Variants in NCOA3 observed in about 807,000 individuals in gnomAD.
NCOA3 encodes the protein nuclear receptor coactivator 3, also known as CBP-interacting protein.
In NCOA3, 51 loss-of-function variants were observed where a neutral mutation model predicts 158.8. That is an observed-to-expected ratio of 0.32 (90% CI 0.26 to 0.41). NCOA3 has a LOEUF of 0.41. Ranked by LOEUF, NCOA3 falls within the 10% of genes least tolerant of loss-of-function variation. The pLI is 1.00. For missense variants in NCOA3, 1,510 were observed against 1,746.6 expected, an observed-to-expected ratio of 0.86 and a Z score of 2.41; for synonymous variants, 537 against 592.4, an observed-to-expected ratio of 0.91 and a Z score of 1.36.
chr20:47,587,155 A>G (rs538150028), intron 2 of NCOA3, among the ~76,000 whole-genome samples: 1 of 152,270 alleles, frequency 6.6e-6, no homozygotes, highest in African/African-American at 2.4e-5. Context: ...GCTGTATTCC[A>G]TAATCAATAG....
chr20:47,583,489 A>G (rs2085485928), intron 2 of NCOA3, among the ~76,000 whole-genome samples: 1 of 152,338 alleles, frequency 6.6e-6, no homozygotes, highest in Admixed American at 6.5e-5. Flanking sequence ...CCCCTTGTTC[A>G]GTAAAAAATG....
At chr20:47,583,006 G>A (rs1325875323) in intron 1 of NCOA3, among the ~76,000 whole-genome samples, 177 bp from the exon 2 acceptor site, 1 of 152,140 alleles carries the variant, frequency 6.6e-6, no homozygotes, top group African/African-American at 2.4e-5. Flanking sequence ...TGTTGGCCAG[G>A]CCAGCCTTGA....
At chr20:47,529,835 G>GAA (rs1237046454) in intron 1 of NCOA3, among the ~76,000 whole-genome samples, 1 of 152,122 alleles carries the variant, frequency 6.6e-6, no homozygotes, top group Non-Finnish European at 1.5e-5. Flanking sequence ...CATTTAAGAA[G>GAA]GCTAGTTTAA....
intron 20 of NCOA3, among the ~76,000 whole-genome samples, chr20:47,651,969 G>T (rs1169107432): frequency 6.6e-6 from 1 of 151,980 alleles, no homozygotes; most frequent in Non-Finnish European, 1.5e-5. Flanking sequence ...CCCGGCCCTG[G>T]ATTTATTATT....
intron 1 of NCOA3, among the ~76,000 whole-genome samples, chr20:47,578,411 C>T (rs182961761): frequency 1.9e-4 from 29 of 152,266 alleles, no homozygotes; most frequent in African/African-American, 6.5e-4. Flanking sequence ...GTCTCGAACT[C>T]CTGACCTCAG....
chr20:47,522,099 C>CATTTTTTTTTTTTTTTTT (rs2084346122), intron 1 of NCOA3, among the ~76,000 whole-genome samples: 1 of 76,816 alleles, frequency 1.3e-5, no homozygotes, highest in African/African-American at 5.3e-5. Context: ...TTGTACAGAT[C>CATTTTTTTTTTTTTTTTT]TTTTTTTTTT....
In NCOA3 at chr20:47,648,405, C is replaced by T. The variant is rs142022882; in HGVS notation, c.3547-600C>T. On this transcript the variant is annotated intron_variant, in intron 18 of 22. Coordinates refer to ENST00000371998, the MANE Select transcript of NCOA3 (RefSeq NM_181659.3). ...ACTTAAAGGTATTTCCCCATGTGCC[C>T]GAATAATCCCAGAGAAAGCCTGACT... Among the ~76,000 whole-genome samples the T allele has an allele frequency of 3.9e-5, 6 of 152,070 alleles. No individual in the cohort carries two copies. In the East Asian group the frequency reaches 7.7e-4, roughly 20 times the overall value.
At chr20:47,642,064 C>G (rs2146332360) in intron 16 of NCOA3, 149 bp from the exon 17 acceptor site, 1 of 628,796 alleles carries the variant, frequency 1.6e-6, no homozygotes, top group East Asian at 2.9e-5. Flanking sequence ...AAATTGATGC[C>G]ATTCACTCTT....
chr20:47,607,427 T>C (rs1336161508), intron 2 of NCOA3, among the ~76,000 whole-genome samples: 1 of 152,194 alleles, frequency 6.6e-6, no homozygotes, highest in East Asian at 1.9e-4. Context: ...GCCTTACTGT[T>C]GTTTACCATG....
At chr20:47,551,057 CATG>C (rs1228441263) in intron 1 of NCOA3, among the ~76,000 whole-genome samples, 1 of 151,930 alleles carries the variant, frequency 6.6e-6, no homozygotes, top group African/African-American at 2.4e-5. Context: ...GGCATTTCCT[CATG>C]ATTAAATTCT....
At chr20:47,638,964 ATATT>A in intron 13 of NCOA3, 40 bp from the exon 14 acceptor site, 1 of 1,462,076 alleles carries the variant, frequency 6.8e-7, no homozygotes, top group South Asian at 1.4e-5. Flanking sequence ...GATTATTTAT[ATATT>A]AAATCACGAA....
intron 9 of NCOA3, 91 bp from the exon 10 acceptor site, chr20:47,633,931 CCAGTCTTTCCTTGGATTTTTAGAAAT>C: frequency 7.6e-7 from 1 of 1,310,458 alleles, no homozygotes; most frequent in Non-Finnish European, 1.1e-6. Context: ...TGGTGCAGAT[CCAGTCTTTCCTTGGATTTTTAGAAAT>C]GTACTTGAAG....
intron 2 of NCOA3, among the ~76,000 whole-genome samples, chr20:47,590,669 C>T (rs914575518): frequency 6.6e-6 from 1 of 152,120 alleles, no homozygotes; most frequent in Admixed American, 6.5e-5. Flanking sequence ...ATTAACTGGG[C>T]ATTGTGTGTC....
At chr20:47,548,073 C>G (rs1235706912) in intron 1 of NCOA3, among the ~76,000 whole-genome samples, 1 of 151,820 alleles carries the variant, frequency 6.6e-6, no homozygotes, top group African/African-American at 2.4e-5. Context: ...TAGGCTGGAA[C>G]TGTTTCTAGA....
At chr20:47,545,650 G>C (rs895119939) in intron 1 of NCOA3, among the ~76,000 whole-genome samples, 2 of 146,378 alleles carry the variant, frequency 1.4e-5, no homozygotes, top group Admixed American at 1.4e-4. Flanking sequence ...TTTGCTTTTT[G>C]TTTTTTTTGT....
chr20:47,533,020 G>T (rs2146110426), intron 1 of NCOA3, among the ~76,000 whole-genome samples: 1 of 142,714 alleles, frequency 7.0e-6, no homozygotes, highest in African/African-American at 2.6e-5. Flanking sequence ...GCAGAGAATT[G>T]CTTGAATCTG....
chr20:47,502,430 C>T (rs543923165), intron 1 of NCOA3, among the ~76,000 whole-genome samples: 2 of 152,280 alleles, frequency 1.3e-5, no homozygotes, highest in Admixed American at 6.5e-5. Flanking sequence ...GGCTCCTTAG[C>T]AGCTTCTGGG....
intron 4 of NCOA3, 93 bp downstream of exon 4, chr20:47,624,176 A>G: frequency 1.8e-6 from 2 of 1,086,068 alleles, no homozygotes; most frequent in South Asian, 3.2e-5. Flanking sequence ...TTTTCCATGG[A>G]CCTGGTAGAG....
At position 47,627,003 on chromosome 20, in the gene NCOA3, C is replaced by T. The variant is rs1160296037; in HGVS notation, c.359C>T (p.Ala120Val). Residue 120 changes from alanine to valine, a missense_variant and splice_region_variant, in exon 6 of 23, where the codon GCA (alanine) becomes GTA (valine). Ala to Val is a moderately conservative substitution (Grantham distance 64). Around this residue, in one of 4 missense-constraint regions of NCOA3, gnomAD observed 309 missense variants for 427.1 expected, o/e 0.72. Coordinates refer to ENST00000371998, the MANE Select transcript of NCOA3 (RefSeq NM_181659.3). Reference protein sequence around the residue: ...KDSLGPLLLQALDGFLFVVNR... With the variant: ...KDSLGPLLLQVLDGFLFVVNR... ...CTGTATTAACATATCCTATTTTAGGCATTGGATGGTTTCCTATTTGTGGTG... is the reference window on the plus strand; with the variant it reads ...CTGTATTAACATATCCTATTTTAGGTATTGGATGGTTTCCTATTTGTGGTG... 1.7e-5 allele frequency: 28 copies of T among 1,610,166 alleles called. No individual in the cohort carries two copies. Among genetic ancestry groups the T allele is most frequent in the Non-Finnish European group, 2.2e-5 (26 of 1,177,976 alleles).
Sources: allele counts gnomAD v4.1 joint callset (sites outside exome capture counted in the v4.1 genomes callset), GRCh38; gene constraint gnomAD v4.1.1; regional missense constraint gnomAD v4.1.1; transcripts MANE v1.5; gene names NCBI Gene and HGNC (gene_info 2026-07-23, HGNC 2026-07-21).